The following PTPRN2 variants were observed in gnomAD, a reference collection of about 807,000 sequenced individuals.
PTPRN2 encodes receptor-type tyrosine-protein phosphatase N2.
Under a neutral mutation model 118.8 loss-of-function variants are expected in PTPRN2, and 74 were observed. That is an observed-to-expected ratio of 0.62 (90% CI 0.52 to 0.76). The LOEUF is 0.76. Ranked by LOEUF, PTPRN2 falls within the 30% of genes least tolerant of loss-of-function variation. PTPRN2 has a pLI of 0.00. For missense variants in PTPRN2, 1,481 were observed against 1,394.4 expected, an observed-to-expected ratio of 1.06 and a Z score of -0.99; for synonymous variants, 641 against 608.0, an observed-to-expected ratio of 1.05 and a Z score of -0.80.
rs1799929504 is a variant in PTPRN2 at position 157,731,657 on chromosome 7, ACGCGCCCAGCACAG to A, written c.1789-48734_1789-48721del. Among the ~76,000 whole-genome samples the A allele has an allele frequency of 8.5e-5, 3 of 35,186 alleles. 1 individual carries two copies. The highest frequency in any genetic ancestry group is 1.6e-4 in the Non-Finnish European group (3 of 18,638). 23.1% of individuals were successfully genotyped at this position (35,186 alleles called of 152,430 possible). A position where few individuals can be genotyped will look rare whatever the true frequency, so the allele number is the denominator to read the frequency against. On this transcript the variant is annotated intron_variant, in intron 12 of 22. Transcript: ENST00000389418. ...CAGCACAGTTACCCTTTCCCGTCCCACGCGCCCAGCACAGTTACCCTTTCCCGTCCCACGCGCCC... is the reference window on the plus strand; with the variant it reads ...CAGCACAGTTACCCTTTCCCGTCCCATTACCCTTTCCCGTCCCACGCGCCC...
chr7:158,323,875 AC>A (rs1296958039), intron 2 of PTPRN2, among the ~76,000 whole-genome samples: 3 of 151,972 alleles, frequency 2.0e-5, no homozygotes, highest in Non-Finnish European at 1.5e-5. Flanking sequence ...ACCTGCATGA[AC>A]CAACACACAC....
chr7:157,840,407 T>C (rs374608335), intron 12 of PTPRN2, among the ~76,000 whole-genome samples: 1,649 of 136,988 alleles, frequency 0.012, 30 homozygotes, highest in Middle Eastern at 0.063. Context: ...TGACCGTGTG[T>C]GACTGTGTGA....
chr7:158,127,014 C>G (rs975188066), intron 9 of PTPRN2, among the ~76,000 whole-genome samples: 4 of 152,186 alleles, frequency 2.6e-5, no homozygotes, highest in Non-Finnish European at 4.4e-5. Flanking sequence ...TTGCCTTCTC[C>G]GAGGTGCAAG....
intron 2 of PTPRN2, among the ~76,000 whole-genome samples, chr7:158,481,873 T>C (rs1820669900): frequency 6.6e-6 from 1 of 152,188 alleles, no homozygotes; most frequent in Non-Finnish European, 1.5e-5. Flanking sequence ...AAATTCACCG[T>C]TCTAGATGCC....
At position 158,022,007 on chromosome 7, in the gene PTPRN2, C is replaced by T. The variant is rs775789591; in HGVS notation, c.1723+59291G>A. The stretch of plus-strand genomic sequence containing the variant: ...CTGCCCTGGCTGAGCCGGGCAGCCT[C>T]GCCCATCCACCATGAGGCGAGACCC... On this transcript the variant is annotated intron_variant, in intron 11 of 22. Transcript: ENST00000389418. The surrounding 1 kb of genome is among the most constrained non-coding windows in gnomAD (Gnocchi z 4.6). 2.0e-5 allele frequency among the ~76,000 whole-genome samples: 3 copies of T among 152,146 alleles called. No individual in the cohort carries two copies. The highest frequency in any genetic ancestry group is 2.9e-5 in the Non-Finnish European group (2 of 68,034).
chr7:158,081,461 G>A (rs1040484635), intron 10 of PTPRN2, 84 bp from the exon 11 acceptor site: 22 of 1,387,836 alleles, frequency 1.6e-5, no homozygotes, highest in African/African-American at 7.1e-5. Context: ...AAACACTGGT[G>A]TGTTTTTAAA....
chr7:157,563,213 C>T (rs1799296234), intron 21 of PTPRN2, among the ~76,000 whole-genome samples: 1 of 133,512 alleles, frequency 7.5e-6, no homozygotes, highest in African/African-American at 2.9e-5. Flanking sequence ...TGTCACCACA[C>T]ACAGCAGAGC....
chr7:158,504,389 C>A (rs937670260), intron 1 of PTPRN2, among the ~76,000 whole-genome samples: 1 of 152,172 alleles, frequency 6.6e-6, no homozygotes, highest in Admixed American at 6.5e-5. Flanking sequence ...GTCGTTCCCC[C>A]CCCATGTGTC....
intron 21 of PTPRN2, among the ~76,000 whole-genome samples, chr7:157,553,000 A>G (rs1798709072): frequency 6.6e-6 from 1 of 152,196 alleles, no homozygotes; most frequent in African/African-American, 2.4e-5. Flanking sequence ...GTGAAATCCA[A>G]TCAGTTATGT....
At chr7:158,322,403 C>T (rs766257864) in intron 2 of PTPRN2, among the ~76,000 whole-genome samples, 12 of 152,246 alleles carry the variant, frequency 7.9e-5, no homozygotes, top group East Asian at 3.8e-4. Context: ...GGTCAGAGAA[C>T]GAACAGCGGC....
At chr7:158,043,469 TC>T (rs1484087315) in intron 11 of PTPRN2, among the ~76,000 whole-genome samples, 1 of 152,234 alleles carries the variant, frequency 6.6e-6, no homozygotes, top group Non-Finnish European at 1.5e-5. Context: ...TCAGAGGGAC[TC>T]CCATTCTCGT....
chr7:158,038,496 A>T (rs1808231796), intron 11 of PTPRN2, among the ~76,000 whole-genome samples: 1 of 152,138 alleles, frequency 6.6e-6, no homozygotes, highest in Admixed American at 6.5e-5. Flanking sequence ...CAAAGACTTC[A>T]AATGGAAAAC....
At chr7:157,860,384 G>C (rs987194696) in intron 12 of PTPRN2, among the ~76,000 whole-genome samples, 8 of 152,172 alleles carry the variant, frequency 5.3e-5, no homozygotes, top group African/African-American at 1.4e-4. Flanking sequence ...GCCTCTCCAG[G>C]AGCTGGGCCA....
chr7:157,545,604 T>C (rs919610536), intron 22 of PTPRN2, among the ~76,000 whole-genome samples: 1 of 152,106 alleles, frequency 6.6e-6, no homozygotes, highest in African/African-American at 2.4e-5. Context: ...CCTGGACTTC[T>C]CTTCTAAGAT....
At chr7:157,994,424 G>C (rs543083321) in intron 11 of PTPRN2, among the ~76,000 whole-genome samples, 5 of 151,390 alleles carry the variant, frequency 3.3e-5, no homozygotes, top group Non-Finnish European at 7.4e-5. Context: ...GAAGATGCCT[G>C]TGTTTCCCAC....
intron 12 of PTPRN2, among the ~76,000 whole-genome samples, chr7:157,840,356 CTGTG>C (rs1427763890): frequency 3.1e-5 from 4 of 129,480 alleles, no homozygotes; most frequent in African/African-American, 6.3e-5. Flanking sequence ...CCGCGTGTGA[CTGTG>C]TGGCCGCGTG....
At chr7:158,394,410 G>A (rs908031302) in intron 2 of PTPRN2, among the ~76,000 whole-genome samples, 3 of 152,214 alleles carry the variant, frequency 2.0e-5, no homozygotes, top group African/African-American at 7.2e-5. Flanking sequence ...TGTGTGCAGG[G>A]AACACCTGTG....
intron 11 of PTPRN2, among the ~76,000 whole-genome samples, chr7:157,991,997 G>A (rs1804291054): frequency 6.6e-6 from 1 of 152,230 alleles, no homozygotes; most frequent in South Asian, 2.1e-4. Flanking sequence ...GCCCAGACAT[G>A]CAGGAGGCTC....
intron 12 of PTPRN2, among the ~76,000 whole-genome samples, chr7:157,757,187 G>A (rs1013563190): frequency 8.7e-5 from 13 of 150,220 alleles, no homozygotes; most frequent in African/African-American, 3.0e-4. Flanking sequence ...AGGCTGCACC[G>A]TGCAGGCAGA....
Sources: gnomAD v4.1 joint callset for allele counts (sites outside exome capture counted in the v4.1 genomes callset) on GRCh38, gnomAD v4.1.1 for gene constraint, Gnocchi (gnomAD v3.1) non-coding constraint, MANE v1.5 for transcripts, NCBI Gene and HGNC (gene_info 2026-07-23, HGNC 2026-07-21) for gene names.